The following ELF2 variants were observed in gnomAD, a reference collection of about 807,000 sequenced individuals.
ELF2 encodes the protein ETS-related transcription factor Elf-2.
ELF2 carries 11 observed loss-of-function variants against 54.8 expected under a neutral mutation model. The observed-to-expected ratio is 0.20, with a 90% confidence interval of 0.13 to 0.33. The LOEUF is 0.33. Ranked by LOEUF, ELF2 falls within the 10% of genes least tolerant of loss-of-function variation. The pLI is 1.00. For missense variants in ELF2, 513 were observed against 703.0 expected (o/e 0.73, Z 3.06); for synonymous variants, 203 against 245.1 (o/e 0.83, Z 1.61).
intron 4 of ELF2, among the ~76,000 whole-genome samples, chr4:139,078,204 C>T (rs1161176201): frequency 1.3e-5 from 2 of 152,070 alleles, no homozygotes; most frequent in Non-Finnish European, 2.9e-5. Flanking sequence ...TAAAAGAATG[C>T]TGGCAATGGA....
intron 1 of ELF2, among the ~76,000 whole-genome samples, chr4:139,145,056 C>T (rs2148873363): frequency 6.6e-6 from 1 of 152,340 alleles, no homozygotes; most frequent in East Asian, 1.9e-4. Flanking sequence ...GCAAGCACCA[C>T]CTCCTGGCTG....
At chr4:139,158,451 G>A (rs1408382604) in intron 1 of ELF2, among the ~76,000 whole-genome samples, 1 of 152,088 alleles carries the variant, frequency 6.6e-6, no homozygotes, top group Non-Finnish European at 1.5e-5. Context: ...AAAATTTTTG[G>A]AGGTGGTATG....
At chr4:139,092,237 C>G (rs1732674413) in intron 4 of ELF2, among the ~76,000 whole-genome samples, 1 of 151,286 alleles carries the variant, frequency 6.6e-6, no homozygotes, top group African/African-American at 2.4e-5. Context: ...TGGCAGGCGA[C>G]TTAATCCCAG....
rs538110131 is a variant in ELF2 at position 139,072,111 on chromosome 4, T to C, written c.353-72A>G. ...TTTCTTATGTGGACAGTTCAATATT[T>C]AGAAGAGGCGAGGTGTGTTAAGAAT... On this transcript the variant is annotated intron_variant, in intron 5 of 9. Coordinates refer to ENST00000686138, the MANE Select transcript of ELF2 (RefSeq NM_001331036.3). The C allele has an allele frequency of 1.3e-4, 186 of 1,446,166 alleles. No homozygotes were observed. The African/African-American group carries it at 2.0e-3, about 15-fold the overall frequency. The allele number at this position is 1,446,166 out of a possible 1,614,324, so 89.6% of individuals were successfully genotyped here.
At chr4:139,169,409 G>A (rs969698835) in intron 1 of ELF2, among the ~76,000 whole-genome samples, 12 of 149,944 alleles carry the variant, frequency 8.0e-5, no homozygotes, top group African/African-American at 2.7e-4. Flanking sequence ...CTGCACAAAG[G>A]CAACTGCAAC....
At chr4:139,069,739 C>T (rs1279171287) in intron 6 of ELF2, among the ~76,000 whole-genome samples, 4 of 152,060 alleles carry the variant, frequency 2.6e-5, no homozygotes, top group African/African-American at 9.7e-5. Flanking sequence ...AAGAACCTAT[C>T]TAAGTTTGTA....
At chr4:139,064,842 T>C (rs1177280218) in intron 7 of ELF2, among the ~76,000 whole-genome samples, 6 of 152,170 alleles carry the variant, frequency 3.9e-5, no homozygotes, top group Admixed American at 1.3e-4. Flanking sequence ...ATCATGCCAT[T>C]GCACTCCAGC....
intron 2 of ELF2, among the ~76,000 whole-genome samples, chr4:139,138,858 A>G (rs1738437183): frequency 6.6e-6 from 1 of 152,152 alleles, no homozygotes; most frequent in South Asian, 2.1e-4. Flanking sequence ...AATTGTTTTG[A>G]TATTAGTTCA....
chr4:139,059,746 A>G (rs1001286575), intron 9 of ELF2, 139 bp from the exon 10 acceptor site: 7 of 923,710 alleles, frequency 7.6e-6, no homozygotes, highest in Non-Finnish European at 9.7e-6. Flanking sequence ...GCAATCCCTG[A>G]TGTTTGACAC....
chr4:139,096,333 T>C (rs2148773607), intron 4 of ELF2, among the ~76,000 whole-genome samples: 2 of 152,012 alleles, frequency 1.3e-5, no homozygotes, highest in Middle Eastern at 6.8e-3. Flanking sequence ...CTGATGGACT[T>C]TTTTTTTAAT....
At chr4:139,122,475 T>C (rs994848238) in intron 4 of ELF2, among the ~76,000 whole-genome samples, 2 of 147,694 alleles carry the variant, frequency 1.4e-5, no homozygotes, top group East Asian at 2.0e-4. Context: ...CATTTAAAAA[T>C]GCATTTGATT....
At chr4:139,170,238 A>C (rs1742139678) in intron 1 of ELF2, among the ~76,000 whole-genome samples, 3 of 149,052 alleles carry the variant, frequency 2.0e-5, no homozygotes, top group Admixed American at 1.3e-4. Context: ...AACTAATTAC[A>C]CTTTAAAAGA....
intron 4 of ELF2, among the ~76,000 whole-genome samples, chr4:139,097,257 G>A (rs888894399): frequency 6.6e-6 from 1 of 152,058 alleles, no homozygotes; most frequent in Non-Finnish European, 1.5e-5. Context: ...TTGAACTCCC[G>A]GGCTCAGGTG....
chr4:139,113,392 A>C (rs974411597), intron 4 of ELF2, among the ~76,000 whole-genome samples: 32 of 152,040 alleles, frequency 2.1e-4, no homozygotes, highest in Admixed American at 2.0e-4. Flanking sequence ...GCAGTGGCTC[A>C]CGCCTGTAAT....
intron 1 of ELF2, among the ~76,000 whole-genome samples, chr4:139,153,308 G>A (rs757701563): frequency 9.9e-5 from 15 of 152,150 alleles, no homozygotes; most frequent in African/African-American, 2.6e-4. Flanking sequence ...GGTGGCACAC[G>A]TCTGTAGTCC....
At chr4:139,168,034 G>C (rs1458371483) in intron 1 of ELF2, among the ~76,000 whole-genome samples, 1 of 152,178 alleles carries the variant, frequency 6.6e-6, no homozygotes, top group Non-Finnish European at 1.5e-5. Flanking sequence ...GGTGACTCTG[G>C]CAACATCCCT....
At chr4:139,139,570 A>T in intron 1 of ELF2, 73 bp from the exon 2 acceptor site, 4 of 765,900 alleles carry the variant, frequency 5.2e-6, no homozygotes, top group South Asian at 6.8e-5. Flanking sequence ...AACAGATGTG[A>T]TTGAGATAGT....
intron 1 of ELF2, among the ~76,000 whole-genome samples, chr4:139,147,331 A>G (rs1321266389): frequency 3.3e-5 from 5 of 152,254 alleles, no homozygotes; most frequent in African/African-American, 1.2e-4. Context: ...TAAAACCACA[A>G]TGACACACCA....
intron 4 of ELF2, among the ~76,000 whole-genome samples, chr4:139,115,536 C>A (rs1014382619): frequency 6.6e-6 from 1 of 151,510 alleles, no homozygotes; most frequent in Non-Finnish European, 1.5e-5. Context: ...CCTGGCCGCG[C>A]CCCCTGACAT....
Sources: allele counts gnomAD v4.1 joint callset (sites outside exome capture counted in the v4.1 genomes callset), GRCh38; gene constraint gnomAD v4.1.1; transcripts MANE v1.5; gene names NCBI Gene and HGNC (gene_info 2026-07-23, HGNC 2026-07-21).